PON2: variants seen among roughly 807,000 people sequenced by gnomAD.
PON2 encodes the protein serum paraoxonase/arylesterase 2.
A neutral mutation model predicts 36.6 loss-of-function variants in PON2; 27 were observed. The ratio of observed to expected loss-of-function variants is 0.74; its 90% CI spans 0.54 to 1.02. The LOEUF (loss-of-function observed/expected upper bound fraction) is 1.02, where lower values mean the gene tolerates loss of function less well. Among genes scored for constraint, PON2 ranks in the 50% least tolerant of loss-of-function variants. PON2 has a pLI of 0.00. For synonymous variants in PON2, 149 were observed against 156.3 expected, an observed-to-expected ratio of 0.95 and a Z score of 0.35; for missense variants, 363 against 421.1, an observed-to-expected ratio of 0.86 and a Z score of 1.21.
chr7:95,410,666 A>G (rs1788899946), intron 5 of PON2, among the ~76,000 whole-genome samples: 1 of 152,216 alleles, frequency 6.6e-6, no homozygotes, highest in African/African-American at 2.4e-5. Context: ...AAATTGCCAT[A>G]GTACAATGCT....
chr7:95,410,451 G>A (rs148329550), intron 5 of PON2, among the ~76,000 whole-genome samples: 2 of 152,332 alleles, frequency 1.3e-5, no homozygotes, highest in African/African-American at 4.8e-5. Flanking sequence ...CAGAGCTGGA[G>A]AGAGCCTGAT....
intron 2 of PON2, among the ~76,000 whole-genome samples, chr7:95,421,446 C>A (rs979971849): frequency 6.6e-6 from 1 of 152,186 alleles, no homozygotes; most frequent in African/African-American, 2.4e-5. Context: ...AAACTCCCAC[C>A]CTTGCCCAAC....
rs1554340815 is a variant in PON2 at position 95,426,263 on chromosome 7, CAG to C, written c.75-1680_75-1679del. Among the ~76,000 whole-genome samples, 9 of 151,546 alleles carry C rather than the reference CAG, an allele frequency of 5.9e-5. No homozygotes were observed. In the East Asian group the frequency reaches 1.7e-3, roughly 29 times the overall value. The stretch of plus-strand genomic sequence containing the variant: ...CTAAAATAAAATTGAAATTATAAAA[CAG>C]AGAGAGAAAAAAAAAGTTTATGTAG... On this transcript the variant is annotated intron_variant, in intron 1 of 8. Coordinates refer to ENST00000222572, the MANE Select transcript of PON2 (RefSeq NM_000305.3).
intron 5 of PON2, among the ~76,000 whole-genome samples, chr7:95,411,420 C>T (rs1226402696): frequency 6.6e-6 from 1 of 151,964 alleles, no homozygotes; most frequent in South Asian, 2.1e-4. Flanking sequence ...CAAAGGAGTC[C>T]GCATAGAACA....
Position 95,405,231 on chromosome 7 carries a change from A to G in PON2, c.*99T>C. The G allele has an allele frequency of 7.7e-7, 1 of 1,295,466 alleles. No homozygotes were observed. Among genetic ancestry groups the G allele is most frequent in the South Asian group, 1.3e-5 (1 of 79,780 alleles). The allele number at this position is 1,295,466 out of a possible 1,614,324, so 80.2% of individuals were successfully genotyped here. ...GAATAAAATTAACTACACATGCCAT[A>G]CATTTCTGGGTCAATGTTGCTGGTT... is the stretch of plus-strand genomic sequence containing the variant. On this transcript the variant is annotated 3_prime_UTR_variant, in exon 9 of 9. Transcript: ENST00000222572.
At chr7:95,426,370 TA>T (rs1168169064) in intron 1 of PON2, among the ~76,000 whole-genome samples, 4 of 152,194 alleles carry the variant, frequency 2.6e-5, no homozygotes, top group African/African-American at 9.6e-5. Context: ...AAATAAATAA[TA>T]AAAAAGTATA....
intron 1 of PON2, among the ~76,000 whole-genome samples, chr7:95,428,132 C>T (rs192665322): frequency 2.7e-4 from 41 of 152,322 alleles, no homozygotes; most frequent in East Asian, 3.8e-4. Flanking sequence ...CACATTGTTT[C>T]GCAACCACAG....
rs116397066 is a variant in PON2, at chr7:95,411,684, G to A, written c.463C>T (p.Leu155=). 826 of 1,613,998 alleles carry A rather than the reference G, an allele frequency of 5.1e-4. No homozygotes were observed. The highest frequency in any genetic ancestry group is 6.6e-4 in the Non-Finnish European group (779 of 1,179,922). The change falls in exon 5 of 9, where the codon CTG becomes TTG. Residue 155 remains leucine (L), a synonymous_variant. Coordinates refer to ENST00000222572, the MANE Select transcript of PON2 (RefSeq NM_000305.3). ...AGAAGCTCATGTTTGACTGTTTTCA[G>A]ATGCAACAGAGAATTTTCTGCTTCT... ...FEEAENSLLH[L]KTVKHELLPS...
At position 95,421,871 on chromosome 7, in the gene PON2, G is replaced by A. The variant is rs116127861; in HGVS notation, c.145+2644C>T. 2.9e-3 allele frequency among the ~76,000 whole-genome samples: 438 copies of A among 152,342 alleles called. 3 individuals are homozygous for A. The highest frequency in any genetic ancestry group is 9.7e-3 in the African/African-American group (404 of 41,572). ...GTAGAGAAACTCTGAAGGTGGCACT[G>A]TCAACTGATGGTTTATTTTTACTAA... On this transcript the variant is annotated intron_variant, in intron 2 of 8. Transcript: ENST00000222572.
At chr7:95,426,723 A>G (rs983132004) in intron 1 of PON2, among the ~76,000 whole-genome samples, 3 of 152,212 alleles carry the variant, frequency 2.0e-5, no homozygotes, top group Non-Finnish European at 4.4e-5. Context: ...TACAAATGTT[A>G]TATGACTCCA....
Position 95,406,193 on chromosome 7 carries a change from C to T in PON2, c.832G>A (p.Asp278Asn), listed in dbSNP as rs201301042. ...TTAGGATGACAGCCTACCCAGATGT[C>T]CCCCGAGGAAGGATCAATAGATAAA... ...DNLSIDPSSG[D>N]IWVGCHPNGQ... The change falls in exon 8 of 9, where the codon GAC (aspartate) becomes AAC (asparagine). Residue 278 changes from aspartate (D) to asparagine (N), a missense_variant. Coordinates refer to ENST00000222572, the MANE Select transcript of PON2 (RefSeq NM_000305.3). 5.0e-6 allele frequency: 8 copies of T among 1,612,630 alleles called. No individual in the cohort carries two copies. The highest frequency in any genetic ancestry group is 1.7e-4 in the Middle Eastern group (1 of 6,052).
chr7:95,410,141 CT>C (rs1440521475), intron 5 of PON2, 40 bp from the exon 6 acceptor site: 1 of 1,488,494 alleles, frequency 6.7e-7, no homozygotes, highest in Non-Finnish European at 9.3e-7. Context: ...AACAAAAGGC[CT>C]GTTGGTCTCC....
Position 95,430,300 on chromosome 7 carries a change from T to C in PON2, c.74+4578A>G, listed in dbSNP as rs533065632. ...GGCAACACAGCAAGACCCCCATCTC[T>C]ACAAAAAAATTTTTTTGTTTTTTTT... On this transcript the variant is annotated intron_variant, in intron 1 of 8. Transcript: ENST00000222572. Among the ~76,000 whole-genome samples the C allele has an allele frequency of 1.2e-3, 176 of 150,928 alleles. 1 individual carries two copies. The highest frequency in any genetic ancestry group is 2.2e-3 in the Non-Finnish European group (146 of 67,534).
intron 5 of PON2, 113 bp downstream of exon 5, chr7:95,411,540 C>T: frequency 7.8e-7 from 1 of 1,287,488 alleles, no homozygotes; most frequent in Non-Finnish European, 1.1e-6. Context: ...TTAGCTCTTA[C>T]ATATTAGCTA....
At position 95,406,989 on chromosome 7, in the gene PON2, TC is replaced by T; in HGVS notation, c.774del (p.Lys259ArgfsTer23). On this transcript the variant is annotated frameshift_variant, in exon 7 of 9. Coordinates refer to ENST00000222572, the MANE Select transcript of PON2 (RefSeq NM_000305.3). LOFTEE classifies it high-confidence loss of function. ...ATATGTAAAAATAAATATTTTACCT[TC>T]AACTGAGTTAAATTCATATTAGTGT... is the stretch of plus-strand genomic sequence containing the variant. Reference protein sequence around the residue: ...EKHTNMNLTQLKVLELDTLVD... With the variant: ...EKHTNMNLTQXKVLELDTLVD... 1.3e-6 allele frequency: 2 copies of T among 1,519,686 alleles called. No homozygotes were observed. Among genetic ancestry groups the T allele is most frequent in the African/African-American group, 2.7e-5 (2 of 72,796 alleles). The allele number at this position is 1,519,686 out of a possible 1,614,324, so 94.1% of individuals were successfully genotyped here.
intron 2 of PON2, among the ~76,000 whole-genome samples, chr7:95,416,735 A>G (rs765020062): frequency 1.3e-4 from 20 of 152,376 alleles, no homozygotes; most frequent in Non-Finnish European, 2.4e-4. Flanking sequence ...TCTCATTAAC[A>G]GAGGTAAAAC....
At chr7:95,406,675 A>G (rs1257065159) in intron 7 of PON2, among the ~76,000 whole-genome samples, 1 of 152,186 alleles carries the variant, frequency 6.6e-6, no homozygotes, top group African/African-American at 2.4e-5. Flanking sequence ...ATAAACCTTC[A>G]TTTGAGAATT....
chr7:95,408,136 C>A (rs1436331775), intron 6 of PON2, among the ~76,000 whole-genome samples: 2 of 152,188 alleles, frequency 1.3e-5, no homozygotes, highest in Admixed American at 6.5e-5. Flanking sequence ...ATGGTCAGTT[C>A]TGTTCCACAA....
chr7:95,418,095 AG>A (rs1789112313), intron 2 of PON2: 3 of 152,202 alleles, frequency 2.0e-5, no homozygotes, highest in Admixed American at 2.0e-4. Flanking sequence ...AATATTTTCC[AG>A]ATCTTCTCCC....
Sources: gnomAD v4.1 joint callset for allele counts (sites outside exome capture counted in the v4.1 genomes callset) on GRCh38, gnomAD v4.1.1 for gene constraint, MANE v1.5 for transcripts, NCBI Gene and HGNC (gene_info 2026-07-23, HGNC 2026-07-21) for gene names.